FAM13C: variants seen among roughly 807,000 people sequenced by gnomAD.
The protein encoded by FAM13C is family with sequence similarity 13 member C.
A neutral mutation model predicts 73.2 loss-of-function variants in FAM13C; 37 were observed. The ratio of observed to expected loss-of-function variants is 0.51; its 90% confidence interval spans 0.39 to 0.67. The LOEUF is 0.67. FAM13C is among the 30% of genes least tolerant of loss of function. The pLI is 0.00. For missense variants in FAM13C, 589 were observed against 715.6 expected, an observed-to-expected ratio of 0.82 and a Z score of 2.02; for synonymous variants, 246 against 260.9, an observed-to-expected ratio of 0.94 and a Z score of 0.55.
intron 1 of FAM13C, among the ~76,000 whole-genome samples, chr10:59,360,354 T>C (rs1019963952): frequency 2.0e-5 from 3 of 151,836 alleles, no homozygotes; most frequent in Non-Finnish European, 4.4e-5. Context: ...AATAAGTGGG[T>C]GTGAGTAGAA....
At chr10:59,318,621 G>C (rs1849824201) in intron 4 of FAM13C, among the ~76,000 whole-genome samples, 2 of 152,098 alleles carry the variant, frequency 1.3e-5, no homozygotes, top group African/African-American at 4.8e-5. Context: ...CTCTTCATTT[G>C]AATGTTCTTT....
intron 3 of FAM13C, among the ~76,000 whole-genome samples, chr10:59,333,721 T>G (rs1447727080): frequency 7.1e-6 from 1 of 140,128 alleles, no homozygotes; most frequent in Non-Finnish European, 1.5e-5. Context: ...GTTTGTTTTA[T>G]TTAGTTTAGC....
At chr10:59,254,513 C>T in intron 10 of FAM13C, 70 bp from the exon 11 acceptor site, 1 of 788,218 alleles carries the variant, frequency 1.3e-6, no homozygotes, top group Non-Finnish European at 1.9e-6. Context: ...TTTTAGCAGA[C>T]AAAAAGCCTC....
At chr10:59,347,026 G>A (rs572356957) in intron 3 of FAM13C, among the ~76,000 whole-genome samples, 35 of 152,138 alleles carry the variant, frequency 2.3e-4, no homozygotes, top group African/African-American at 4.1e-4. Flanking sequence ...ATCTTTCCAG[G>A]AGACAGGTCA....
intron 6 of FAM13C, among the ~76,000 whole-genome samples, chr10:59,281,225 C>A (rs532234951): frequency 2.0e-5 from 3 of 152,240 alleles, no homozygotes; most frequent in South Asian, 4.1e-4. Flanking sequence ...TTTAAGGTGT[C>A]CAAAGATCAT....
intron 2 of FAM13C, among the ~76,000 whole-genome samples, chr10:59,355,668 T>G (rs1296566867): frequency 6.6e-6 from 1 of 152,192 alleles, no homozygotes; most frequent in African/African-American, 2.4e-5. Context: ...ATTTATCAAG[T>G]GTTCCCACAG....
chr10:59,337,243 A>C (rs1852836154), intron 3 of FAM13C, among the ~76,000 whole-genome samples: 1 of 152,240 alleles, frequency 6.6e-6, no homozygotes, highest in Non-Finnish European at 1.5e-5. Flanking sequence ...TTTCAGAGGC[A>C]TTCTCCCTGA....
At chr10:59,268,287 A>G (rs1200955837) in intron 8 of FAM13C, among the ~76,000 whole-genome samples, 1 of 151,432 alleles carries the variant, frequency 6.6e-6, no homozygotes, top group East Asian at 1.9e-4. Context: ...TGTTCCTCAG[A>G]AAAAAAAAGG....
chr10:59,357,556 A>G (rs1389926743), intron 1 of FAM13C, among the ~76,000 whole-genome samples: 1 of 152,246 alleles, frequency 6.6e-6, no homozygotes, highest in Non-Finnish European at 1.5e-5. Flanking sequence ...CAGGCACTGC[A>G]TTAGACATTG....
At chr10:59,305,935 A>T (rs1014305837) in intron 4 of FAM13C, among the ~76,000 whole-genome samples, 3 of 152,206 alleles carry the variant, frequency 2.0e-5, no homozygotes, top group Non-Finnish European at 2.9e-5. Flanking sequence ...GCTCTTTCCC[A>T]CAAAACAGGC....
At chr10:59,287,684 C>T (rs1845765145) in intron 5 of FAM13C, among the ~76,000 whole-genome samples, 1 of 152,180 alleles carries the variant, frequency 6.6e-6, no homozygotes, top group Non-Finnish European at 1.5e-5. Flanking sequence ...GTGTTAACAA[C>T]AACAATGGTA....
intron 8 of FAM13C, among the ~76,000 whole-genome samples, chr10:59,264,930 C>T (rs961706000): frequency 6.6e-6 from 1 of 152,022 alleles, no homozygotes; most frequent in African/African-American, 2.4e-5. Flanking sequence ...ATAAAATATG[C>T]TCAAGGTGAC....
chr10:59,330,157 C>A (rs187320262), intron 3 of FAM13C, among the ~76,000 whole-genome samples: 3 of 152,206 alleles, frequency 2.0e-5, no homozygotes, highest in East Asian at 1.9e-4. Context: ...TGCATTAATT[C>A]GAGTTGTTTG....
intron 4 of FAM13C, among the ~76,000 whole-genome samples, chr10:59,309,477 C>G (rs1355014813): frequency 6.6e-6 from 1 of 152,200 alleles, no homozygotes; most frequent in African/African-American, 2.4e-5. Flanking sequence ...ATCATTCTCC[C>G]TCTCTGAACT....
chr10:59,313,599 CA>C (rs1414268058), intron 4 of FAM13C, among the ~76,000 whole-genome samples: 1 of 152,140 alleles, frequency 6.6e-6, no homozygotes, highest in Non-Finnish European at 1.5e-5. Flanking sequence ...TCTCAACTGG[CA>C]ATTCAGTTGA....
rs771934634 is a variant in FAM13C at position 59,362,483 on chromosome 10, C to T, written c.-23G>A. The T allele has an allele frequency of 5.6e-6, 9 of 1,610,800 alleles. No homozygotes were observed. The highest frequency in any genetic ancestry group is 6.8e-6 in the Non-Finnish European group (8 of 1,178,404). On this transcript the variant is annotated 5_prime_UTR_variant, in exon 1 of 14. Transcript: ENST00000618804. ...CATCAGCCAAGTCTGGCCGGGGAGC[C>T]GTCTCCCTGATTGCTCTCCGGGAGT...
chr10:59,350,240 A>G (rs546396250), intron 3 of FAM13C, among the ~76,000 whole-genome samples: 1 of 152,098 alleles, frequency 6.6e-6, no homozygotes. Flanking sequence ...ATACAAGCAC[A>G]TTTCTCCCCT....
chr10:59,264,066 A>G lies in FAM13C; in HGVS notation c.1024+19T>C. 6.2e-7 allele frequency: 1 copy of G among 1,609,776 alleles called. No individual in the cohort carries two copies. The highest frequency in any genetic ancestry group is 1.3e-5 in the African/African-American group (1 of 74,886). ...ACTGCTTCCTTTGTGAGGAAAAAAG[A>G]TCTTTGGCTGGGATTTACCTTTGAG... On this transcript the variant is annotated intron_variant, in intron 9 of 13. Coordinates refer to ENST00000618804, the MANE Select transcript of FAM13C (RefSeq NM_198215.4).
intron 4 of FAM13C, among the ~76,000 whole-genome samples, chr10:59,312,994 C>G (rs572434596): frequency 6.6e-6 from 1 of 152,182 alleles, no homozygotes; most frequent in Admixed American, 6.5e-5. Context: ...CTTCTTCTGA[C>G]ATCAACCTCC....
Sources: gnomAD v4.1 joint callset for allele counts (sites outside exome capture counted in the v4.1 genomes callset) on GRCh38, gnomAD v4.1.1 for gene constraint, MANE v1.5 for transcripts, NCBI Gene and HGNC (gene_info 2026-07-23, HGNC 2026-07-21) for gene names.